The following AGO3 variants were observed in gnomAD, a reference collection of about 807,000 sequenced individuals.
AGO3 encodes the protein argonaute RISC catalytic component 3, also known as protein argonaute-3.
AGO3 carries 16 observed loss-of-function variants against 105.5 expected under a neutral mutation model. The ratio of observed to expected loss-of-function variants is 0.15; its 90% CI spans 0.10 to 0.23. The LOEUF is 0.23. Ranked by LOEUF, AGO3 falls within the 10% of genes least tolerant of loss-of-function variation. The pLI is 1.00. For synonymous variants in AGO3, 340 were observed against 367.3 expected, an observed-to-expected ratio of 0.93 and a Z score of 0.85; for missense variants, 534 against 1,088.0, an observed-to-expected ratio of 0.49 and a Z score of 7.16.
chr1:36,024,203 A>G (rs1018487576), intron 11 of AGO3, among the ~76,000 whole-genome samples: 2 of 149,886 alleles, frequency 1.3e-5, no homozygotes, highest in African/African-American at 5.0e-5. Flanking sequence ...CAGTGATACA[A>G]TCACAACTCA....
At chr1:35,980,312 A>C (rs1487778109) in intron 5 of AGO3, among the ~76,000 whole-genome samples, 1 of 152,204 alleles carries the variant, frequency 6.6e-6, no homozygotes, top group Non-Finnish European at 1.5e-5. Flanking sequence ...CCTGTTGCAC[A>C]TGAGGTGCAG....
At chr1:36,012,852 T>C (rs1017452681) in intron 9 of AGO3, among the ~76,000 whole-genome samples, 6 of 152,020 alleles carry the variant, frequency 3.9e-5, no homozygotes, top group African/African-American at 1.4e-4. Flanking sequence ...GAAGATGGCT[T>C]GAGCCCAGGA....
chr1:36,046,854 G>A (rs1049876663), intron 17 of AGO3, among the ~76,000 whole-genome samples: 5 of 152,056 alleles, frequency 3.3e-5, no homozygotes, highest in Admixed American at 2.6e-4. Context: ...TGGGGAATTG[G>A]TGCCCTGGAA....
chr1:35,933,726 A>G (rs1646098510), intron 1 of AGO3, among the ~76,000 whole-genome samples: 1 of 151,572 alleles, frequency 6.6e-6, no homozygotes, highest in African/African-American at 2.4e-5. Context: ...TGTTCTCAAA[A>G]AGTCTATTGA....
At chr1:36,009,383 T>C (rs1213356111) in intron 8 of AGO3, 92 bp from the exon 9 acceptor site, 1 of 1,402,430 alleles carries the variant, frequency 7.1e-7, no homozygotes, top group South Asian at 1.6e-5. Context: ...ATGAAGTTGA[T>C]TTTAAATTTT....
At chr1:36,000,197 A>T (rs1350331046) in intron 5 of AGO3, among the ~76,000 whole-genome samples, 2 of 152,210 alleles carry the variant, frequency 1.3e-5, no homozygotes, top group Non-Finnish European at 2.9e-5. Context: ...GGAAGGAAGG[A>T]ATAAACTACA....
chr1:36,036,516 T>C (rs1557703855), intron 14 of AGO3, among the ~76,000 whole-genome samples: 1 of 152,156 alleles, frequency 6.6e-6, no homozygotes, highest in Non-Finnish European at 1.5e-5. Flanking sequence ...GACCTCTCCA[T>C]GATTATGCAT....
rs949201892 is a variant in AGO3, at chr1:36,027,860, G to T, written c.1591+562G>T. 1.3e-5 allele frequency among the ~76,000 whole-genome samples: 2 copies of T among 152,196 alleles called. No individual in the cohort carries two copies. The highest frequency in any genetic ancestry group is 6.8e-3 in the Middle Eastern group (2 of 292). ...AAGAAAGAATTATTGAATAAAAATG[G>T]CATTGAGATAATTTGAGTATCAGTA... On this transcript the variant is annotated intron_variant, in intron 12 of 18. Coordinates refer to ENST00000373191, the MANE Select transcript of AGO3 (RefSeq NM_024852.4). This position sits in a 1 kb window ranked among gnomAD's most constrained non-coding sequence, Gnocchi z 4.0.
intron 14 of AGO3, among the ~76,000 whole-genome samples, chr1:36,038,547 G>A (rs559960035): frequency 1.2e-3 from 183 of 152,188 alleles, no homozygotes; most frequent in Middle Eastern, 3.4e-3. Context: ...GAGCTACCGT[G>A]CCCGGCCTGG....
At chr1:36,004,299 T>C in intron 5 of AGO3, 42 bp from the exon 6 acceptor site, 1 of 1,567,716 alleles carries the variant, frequency 6.4e-7, no homozygotes, top group South Asian at 1.2e-5. Context: ...CTGAATTTTT[T>C]AGGGAAACAT....
At chr1:36,041,022 G>A (rs1355439493) in intron 16 of AGO3, among the ~76,000 whole-genome samples, 1 of 143,236 alleles carries the variant, frequency 7.0e-6, no homozygotes, top group Non-Finnish European at 1.5e-5. Flanking sequence ...GCAGTGAGCC[G>A]AGATGGTGCC....
In AGO3 at chr1:36,056,139, A is replaced by G. The variant is rs1461463300; in HGVS notation, c.*394A>G. The G allele has an allele frequency of 1.3e-5, 2 of 158,332 alleles. No homozygotes were observed. Among genetic ancestry groups the G allele is most frequent in the African/African-American group, 4.8e-5 (2 of 41,568 alleles). The allele number at this position is 158,332 out of a possible 1,614,324, so 9.8% of individuals were successfully genotyped here. On this transcript the variant is annotated 3_prime_UTR_variant, in exon 19 of 19. Transcript: ENST00000373191. ...CACACCTTCATGAATAATCAAAGTG[A>G]TTTTTCAGAATTATGTGTGCAAAAA...
intron 8 of AGO3, 145 bp from the exon 9 acceptor site, chr1:36,009,330 G>A (rs1640482051): frequency 1.0e-6 from 1 of 992,484 alleles, no homozygotes; most frequent in Admixed American, 2.9e-5. Context: ...GAGCTGTCTT[G>A]TTTACTACTT....
At chr1:35,997,432 A>G (rs1265865663) in intron 5 of AGO3, among the ~76,000 whole-genome samples, 1 of 152,174 alleles carries the variant, frequency 6.6e-6, no homozygotes, top group Non-Finnish European at 1.5e-5. Context: ...TTATAGTACA[A>G]TATTCTCTCA....
In AGO3 at chr1:36,017,193, G is replaced by A. The variant is rs760164774; in HGVS notation, c.1406+3145G>A. ...TTGAGAGAATATAGTATCCCAGGGA[G>A]ACTACTATTATGACTCTCAGGAGAA... On this transcript the variant is annotated intron_variant, in intron 11 of 18. Transcript: ENST00000373191. Among the ~76,000 whole-genome samples, 2 of 152,152 alleles carry A rather than the reference G, an allele frequency of 1.3e-5. 1 individual carries two copies. The highest frequency in any genetic ancestry group is 4.2e-4 in the South Asian group (2 of 4,818).
intron 2 of AGO3, among the ~76,000 whole-genome samples, chr1:35,965,706 A>G (rs1646760817): frequency 6.6e-6 from 1 of 151,982 alleles, no homozygotes; most frequent in Admixed American, 6.6e-5. Context: ...GAAAAAATAG[A>G]AACTTTGTGC....
At chr1:35,994,751 T>A (rs1386646557) in intron 5 of AGO3, among the ~76,000 whole-genome samples, 1 of 152,084 alleles carries the variant, frequency 6.6e-6, no homozygotes, top group Non-Finnish European at 1.5e-5. Context: ...AAAATTTAAG[T>A]GCCATTCATA....
At chr1:36,005,138 G>A (rs780317579) in intron 6 of AGO3, among the ~76,000 whole-genome samples, 14 of 152,070 alleles carry the variant, frequency 9.2e-5, no homozygotes, top group Non-Finnish European at 1.9e-4. Flanking sequence ...TATGTATTTA[G>A]TCTGATACTC....
intron 5 of AGO3, among the ~76,000 whole-genome samples, chr1:36,000,897 A>C (rs1009714376): frequency 1.3e-5 from 2 of 151,478 alleles, no homozygotes; most frequent in Non-Finnish European, 2.9e-5. Flanking sequence ...GTTTATTTGG[A>C]TGGAAGTTTA....
Sources: allele counts gnomAD v4.1 joint callset (sites outside exome capture counted in the v4.1 genomes callset), GRCh38; gene constraint gnomAD v4.1.1; non-coding constraint Gnocchi (gnomAD v3.1); transcripts MANE v1.5; gene names NCBI Gene and HGNC (gene_info 2026-07-23, HGNC 2026-07-21).